Variants in LRP1B observed in about 807,000 individuals in gnomAD.
LRP1B encodes low-density lipoprotein receptor-related protein 1B.
LRP1B carries 217 observed loss-of-function variants against 556.6 expected under a neutral mutation model. That is an observed-to-expected ratio of 0.39 (90% CI 0.35 to 0.44). The LOEUF (loss-of-function observed/expected upper bound fraction) is 0.44. Among genes scored for constraint, LRP1B ranks in the 20% least tolerant of loss-of-function variants. LRP1B has a pLI of 1.00. For missense variants in LRP1B, 5,053 were observed against 5,620.8 expected, an observed-to-expected ratio of 0.90 and a Z score of 3.23; for synonymous variants, 2,047 against 1,865.8, an observed-to-expected ratio of 1.10 and a Z score of -2.50.
At chr2:141,728,081 G>C (rs962338883) in intron 2 of LRP1B, among the ~76,000 whole-genome samples, 3 of 152,060 alleles carry the variant, frequency 2.0e-5, no homozygotes, top group African/African-American at 7.2e-5. Context: ...TTTTTCATGA[G>C]GTGTAACAGC....
chr2:140,750,722 C>T (rs184191343), intron 35 of LRP1B, among the ~76,000 whole-genome samples: 147 of 152,262 alleles, frequency 9.7e-4, no homozygotes, highest in African/African-American at 3.4e-3. Context: ...GACATGAATT[C>T]TGCACTTCAT....
At position 140,509,993 on chromosome 2, in the gene LRP1B, T is replaced by A. The variant is rs1190745556; in HGVS notation, c.8333A>T (p.His2778Leu). ...GTCCCTTTCACCATCACAAAGCCAA[T>A]GTCGGGGCACGCAGGCACGAGAGCC... ...CQGSRACVPR[H>L]WLCDGERDCP... The change falls in exon 52 of 91, where the codon CAT becomes CTT. Residue 2778 changes from histidine (H) to leucine (L), a missense_variant. Transcript: ENST00000389484. The A allele has an allele frequency of 6.2e-7, 1 of 1,613,862 alleles. No individual in the cohort carries two copies. The highest frequency in any genetic ancestry group is 8.5e-7 in the Non-Finnish European group (1 of 1,180,032).
chr2:140,471,953 CCTT>C (rs969914045), intron 60 of LRP1B, among the ~76,000 whole-genome samples: 29 of 152,316 alleles, frequency 1.9e-4, no homozygotes, highest in African/African-American at 6.3e-4. Context: ...TGTGAAGACT[CCTT>C]CTTACACTTT....
At chr2:140,865,230 A>C (rs1438658420) in intron 27 of LRP1B, among the ~76,000 whole-genome samples, 1 of 152,052 alleles carries the variant, frequency 6.6e-6, no homozygotes, top group Non-Finnish European at 1.5e-5. Context: ...GCTTACTTGT[A>C]AGAAAACTGG....
chr2:141,705,429 A>G (rs1385822376), intron 2 of LRP1B, among the ~76,000 whole-genome samples: 1 of 151,972 alleles, frequency 6.6e-6, no homozygotes, highest in Non-Finnish European at 1.5e-5. Context: ...TCCATGTCCC[A>G]GAATCTCCTG....
intron 3 of LRP1B, among the ~76,000 whole-genome samples, chr2:141,391,752 T>C (rs1044475322): frequency 2.0e-5 from 3 of 152,154 alleles, no homozygotes; most frequent in East Asian, 3.9e-4. Context: ...AAAGGTAGTC[T>C]GGGATCGAAC....
At chr2:141,277,225 A>G (rs1685336199) in intron 3 of LRP1B, among the ~76,000 whole-genome samples, 1 of 152,192 alleles carries the variant, frequency 6.6e-6, no homozygotes, top group Non-Finnish European at 1.5e-5. Flanking sequence ...CCTACTTTCC[A>G]CAGTGGTTGA....
chr2:141,737,651 A>G (rs138121150), intron 2 of LRP1B, among the ~76,000 whole-genome samples: 1 of 152,280 alleles, frequency 6.6e-6, no homozygotes, highest in Non-Finnish European at 1.5e-5. Context: ...GCATGGGATT[A>G]CACAATTTTT....
At chr2:141,218,275 C>G (rs1682896028) in intron 6 of LRP1B, among the ~76,000 whole-genome samples, 1 of 152,130 alleles carries the variant, frequency 6.6e-6, no homozygotes, top group African/African-American at 2.4e-5. Flanking sequence ...CTAGTGATCC[C>G]ATTACTAGGT....
chr2:141,657,490 C>T (rs188258486), intron 2 of LRP1B, among the ~76,000 whole-genome samples: 12 of 152,248 alleles, frequency 7.9e-5, no homozygotes, highest in Admixed American at 2.6e-4. Context: ...GTATGATGAT[C>T]TATTAGAATT....
rs548184174 is a variant in LRP1B at position 141,077,050 on chromosome 2, G to A, written c.1014-14777C>T. Among the ~76,000 whole-genome samples the A allele has an allele frequency of 1.3e-4, 20 of 152,220 alleles. No homozygotes were observed. In the East Asian group the frequency reaches 1.9e-3, roughly 15 times the overall value. On this transcript the variant is annotated intron_variant, in intron 7 of 90. Transcript: ENST00000389484. Reference sequence around the variant, plus strand: ...TCACGAGGCCAGGAGTTCGAGACCAGCCTGGCCAATATGGTGAAACCCCGG... The same window carrying A: ...TCACGAGGCCAGGAGTTCGAGACCAACCTGGCCAATATGGTGAAACCCCGG...
chr2:140,592,969 T>C (rs375402765), intron 43 of LRP1B, among the ~76,000 whole-genome samples: 18 of 119,596 alleles, frequency 1.5e-4, no homozygotes, highest in East Asian at 7.7e-4. Flanking sequence ...CACACACACA[T>C]ACACACAAAG....
At chr2:141,072,993 G>A (rs1175883252) in intron 7 of LRP1B, among the ~76,000 whole-genome samples, 4 of 152,020 alleles carry the variant, frequency 2.6e-5, no homozygotes, top group Admixed American at 1.3e-4. Flanking sequence ...CCTTTCTTCT[G>A]CATCTTCAAC....
intron 2 of LRP1B, among the ~76,000 whole-genome samples, chr2:141,658,849 TGA>T (rs1435762793): frequency 2.0e-5 from 3 of 152,120 alleles, no homozygotes; most frequent in African/African-American, 7.2e-5. Flanking sequence ...GAAGGGACAC[TGA>T]GAGACAAAAA....
chr2:141,320,601 C>T (rs1687204459), intron 3 of LRP1B, among the ~76,000 whole-genome samples: 1 of 152,066 alleles, frequency 6.6e-6, no homozygotes, highest in Non-Finnish European at 1.5e-5. Flanking sequence ...CTACAAAAAC[C>T]TGCAGCCTGA....
At chr2:141,933,794 G>C (rs1700564981) in intron 1 of LRP1B, among the ~76,000 whole-genome samples, 1 of 152,066 alleles carries the variant, frequency 6.6e-6, no homozygotes, top group African/African-American at 2.4e-5. Context: ...CCTTGGAAGA[G>C]GTTCTACAAA....
At chr2:141,099,061 G>T (rs558312312) in intron 7 of LRP1B, among the ~76,000 whole-genome samples, 23 of 152,164 alleles carry the variant, frequency 1.5e-4, no homozygotes, top group African/African-American at 5.5e-4. Flanking sequence ...AAGTCTAGGG[G>T]ACATGGAAAA....
At chr2:140,841,759 A>G (rs1002055301) in intron 29 of LRP1B, among the ~76,000 whole-genome samples, 2 of 152,206 alleles carry the variant, frequency 1.3e-5, no homozygotes, top group African/African-American at 4.8e-5. Flanking sequence ...TTTTAAAACA[A>G]TTATGGAATT....
At chr2:140,545,862 T>C (rs1457426216) in intron 43 of LRP1B, among the ~76,000 whole-genome samples, 1 of 152,124 alleles carries the variant, frequency 6.6e-6, no homozygotes, top group Non-Finnish European at 1.5e-5. Context: ...TATGGCCATT[T>C]TTAAAATATT....
Sources: allele counts gnomAD v4.1 joint callset (sites outside exome capture counted in the v4.1 genomes callset), GRCh38; gene constraint gnomAD v4.1.1; transcripts MANE v1.5; gene names NCBI Gene and HGNC (gene_info 2026-07-23, HGNC 2026-07-21).